PPP1R12B: variants seen among roughly 807,000 people sequenced by gnomAD.
PPP1R12B encodes the protein myosin phosphatase target subunit 2.
A neutral mutation model predicts 126.1 loss-of-function variants in PPP1R12B; 76 were observed. The ratio of observed to expected loss-of-function variants is 0.60; its 90% CI spans 0.50 to 0.73. The LOEUF is 0.73. PPP1R12B is among the 30% of genes least tolerant of loss of function. The pLI, the probability that PPP1R12B is intolerant of heterozygous loss-of-function variation, is 0.00. For missense variants in PPP1R12B, 1,052 were observed against 1,205.1 expected (o/e 0.87, Z 1.88); for synonymous variants, 356 against 434.7 (o/e 0.82, Z 2.25).
At chr1:202,411,088 G>A (rs1232032262) in intron 1 of PPP1R12B, among the ~76,000 whole-genome samples, 1 of 152,092 alleles carries the variant, frequency 6.6e-6, no homozygotes, top group East Asian at 1.9e-4. Flanking sequence ...ATAAGTGGGC[G>A]AATCTGCTCA....
intron 1 of PPP1R12B, among the ~76,000 whole-genome samples, chr1:202,363,048 G>T (rs12133256): frequency 0.071 from 10,764 of 152,174 alleles, 483 homozygotes; most frequent in Middle Eastern, 0.14. Flanking sequence ...TGATCAGGCT[G>T]GTCTGGAACT....
intron 18 of PPP1R12B, among the ~76,000 whole-genome samples, chr1:202,536,127 C>G (rs1322278511): frequency 1.3e-5 from 2 of 152,206 alleles, no homozygotes; most frequent in African/African-American, 4.8e-5. Context: ...TTCAGAACTT[C>G]ACTTTCTTCA....
At chr1:202,482,734 C>T (rs951629721) in intron 13 of PPP1R12B, among the ~76,000 whole-genome samples, 6 of 152,150 alleles carry the variant, frequency 3.9e-5, no homozygotes, top group Non-Finnish European at 8.8e-5. Flanking sequence ...TATGCAAAAG[C>T]TTTTTAGTTT....
At chr1:202,455,203 TATAG>T (rs1378317574) in intron 13 of PPP1R12B, among the ~76,000 whole-genome samples, 274 of 123,010 alleles carry the variant, frequency 2.2e-3, no homozygotes, top group African/African-American at 4.2e-3. Context: ...CATATATATA[TATAG>T]AGAGAGAGAG....
chr1:202,549,234 A>G (rs1456419523), intron 18 of PPP1R12B, among the ~76,000 whole-genome samples: 8 of 152,082 alleles, frequency 5.3e-5, no homozygotes, highest in Non-Finnish European at 1.2e-4. Flanking sequence ...GTCACACATA[A>G]TAGTGTCATT....
rs186364859 is a variant in PPP1R12B at position 202,512,943 on chromosome 1, A to G, written c.2490+16121A>G. On this transcript the variant is annotated intron_variant, in intron 18 of 23. Coordinates refer to ENST00000608999, the MANE Select transcript of PPP1R12B (RefSeq NM_002481.4). ...TTTAATATGGAGTGGTAATCATACTATGTTGTATTTGCCAACTGACTGAAC... is the reference window on the plus strand; with the variant it reads ...TTTAATATGGAGTGGTAATCATACTGTGTTGTATTTGCCAACTGACTGAAC... Among the ~76,000 whole-genome samples the G allele has an allele frequency of 3.9e-5, 6 of 152,208 alleles. No homozygotes were observed. In the East Asian group the frequency reaches 7.7e-4, roughly 20 times the overall value.
intron 4 of PPP1R12B, among the ~76,000 whole-genome samples, chr1:202,426,154 T>TA (rs1264672626): frequency 6.6e-6 from 1 of 152,204 alleles, no homozygotes; most frequent in African/African-American, 2.4e-5. Flanking sequence ...TAGCCAAACT[T>TA]ATATGAGGGA....
rs1052648785 is a variant in PPP1R12B, at chr1:202,586,284, G to A, written c.*5724G>A. On this transcript the variant is annotated 3_prime_UTR_variant, in exon 24 of 24. Coordinates refer to ENST00000608999, the MANE Select transcript of PPP1R12B (RefSeq NM_002481.4). ...TTGGAGTGAAAGGGCAGAGACCCTG[G>A]AAGTGGAGGTGGCTGTGTGCTGCGA... The A allele has an allele frequency of 6.6e-6, 1 of 152,594 alleles. No homozygotes were observed. Among genetic ancestry groups the A allele is most frequent in the Non-Finnish European group, 1.5e-5 (1 of 68,312 alleles). The allele number at this position is 152,594 out of a possible 1,614,324, so 9.5% of individuals were successfully genotyped here.
chr1:202,412,076 C>T (rs535911286), intron 1 of PPP1R12B, among the ~76,000 whole-genome samples: 8 of 152,314 alleles, frequency 5.3e-5, no homozygotes, highest in East Asian at 1.9e-4. Context: ...GATTGATGAT[C>T]GCCAAATTAC....
Position 202,442,452 on chromosome 1 carries a change from C to T in PPP1R12B, c.1547C>T (p.Ser516Leu), listed in dbSNP as rs764301133. 2.5e-6 allele frequency: 4 copies of T among 1,609,530 alleles called. No individual in the cohort carries two copies. The highest frequency in any genetic ancestry group is 3.4e-6 in the Non-Finnish European group (4 of 1,178,516). ...SDIEEKENRE[S>L]AVNLVRSGSY... ...TTCCTTTCATGCTTCTACAGAGAAT[C>T]AGCTGTTAATCTAGTGAGGAGTGGC... The change falls in exon 12 of 24, where the codon TCA (serine) becomes TTA (leucine). Residue 516 changes from serine (S) to leucine (L), a missense_variant. Transcript: ENST00000608999.
intron 18 of PPP1R12B, among the ~76,000 whole-genome samples, chr1:202,534,055 G>A (rs1167174374): frequency 6.6e-6 from 1 of 152,080 alleles, no homozygotes; most frequent in Non-Finnish European, 1.5e-5. Context: ...TCTATTGTAA[G>A]CAAGAAGCTT....
At chr1:202,376,839 G>T (rs1661251513) in intron 1 of PPP1R12B, among the ~76,000 whole-genome samples, 1 of 152,086 alleles carries the variant, frequency 6.6e-6, no homozygotes, top group African/African-American at 2.4e-5. Flanking sequence ...CTTTTTGAAT[G>T]CTGGGAGGTG....
chr1:202,426,780 ATACTCCCCTT>A (rs1669575647), intron 4 of PPP1R12B, among the ~76,000 whole-genome samples: 1 of 152,150 alleles, frequency 6.6e-6, no homozygotes, highest in Non-Finnish European at 1.5e-5. Flanking sequence ...ACGTTTCCGT[ATACTCCCCTT>A]GTATGGTGTA....
At chr1:202,509,834 ATAGT>A (rs745852006) in intron 18 of PPP1R12B, among the ~76,000 whole-genome samples, 54 of 152,266 alleles carry the variant, frequency 3.5e-4, no homozygotes, top group Non-Finnish European at 5.3e-4. Context: ...GCTTGAAATG[ATAGT>A]TAGGAGGGAT....
Position 202,565,898 on chromosome 1 carries a change from C to G in PPP1R12B, c.2757+1351C>G, listed in dbSNP as rs1001697940. On this transcript the variant is annotated intron_variant, in intron 21 of 23. Coordinates refer to ENST00000608999, the MANE Select transcript of PPP1R12B (RefSeq NM_002481.4). This position sits in a 1 kb window ranked among gnomAD's most constrained non-coding sequence, Gnocchi z 4.3. ...CTCACTCCAACATTATTGAGCCAGG[C>G]AAAAAAAAAAAAAAGTCTCATTCAC... Among the ~76,000 whole-genome samples the G allele has an allele frequency of 8.6e-6, 1 of 116,138 alleles. No individual in the cohort carries two copies. The highest frequency in any genetic ancestry group is 3.2e-5 in the African/African-American group (1 of 30,836). The allele number at this position is 116,138 out of a possible 152,430, so 76.2% of individuals were successfully genotyped here.
Position 202,513,253 on chromosome 1 carries a change from C to T in PPP1R12B, c.2490+16431C>T, listed in dbSNP as rs1442715910. Among the ~76,000 whole-genome samples the T allele has an allele frequency of 2.6e-5, 4 of 152,106 alleles. No individual in the cohort carries two copies. The East Asian group carries it at 5.8e-4, about 22-fold the overall frequency. ...CCTCCCAAAGTGCTGGGATTACAGG[C>T]GTGAGCCACTATGCCCAGCCTGTTT... On this transcript the variant is annotated intron_variant, in intron 18 of 23. Transcript: ENST00000608999.
chr1:202,439,571 AC>A (rs1671339612), intron 10 of PPP1R12B: 3 of 1,426,338 alleles, frequency 2.1e-6, no homozygotes, highest in African/African-American at 2.8e-5. Context: ...GGAACTGACC[AC>A]CCAGGTGGCC....
At position 202,529,289 on chromosome 1, in the gene PPP1R12B, G is replaced by T. The variant is rs1683683082; in HGVS notation, c.2491-29588G>T. On this transcript the variant is annotated intron_variant, in intron 18 of 23. Coordinates refer to ENST00000608999, the MANE Select transcript of PPP1R12B (RefSeq NM_002481.4). ...AAGAGTCTTTCATATACTCTTCCAG[G>T]ATCTATGTTATTATTGAAAAAAAAA... Among the ~76,000 whole-genome samples the T allele has an allele frequency of 2.0e-5, 3 of 149,822 alleles. No homozygotes were observed. In the South Asian group the frequency reaches 6.4e-4, roughly 32 times the overall value.
At chr1:202,450,586 A>G (rs1672809049) in intron 13 of PPP1R12B, among the ~76,000 whole-genome samples, 1 of 152,214 alleles carries the variant, frequency 6.6e-6, no homozygotes, top group African/African-American at 2.4e-5. Flanking sequence ...ATCCAAAGGA[A>G]GGAGCTTTTA....
Sources: allele counts gnomAD v4.1 joint callset (sites outside exome capture counted in the v4.1 genomes callset), GRCh38; gene constraint gnomAD v4.1.1; non-coding constraint Gnocchi (gnomAD v3.1); transcripts MANE v1.5; gene names NCBI Gene and HGNC (gene_info 2026-07-23, HGNC 2026-07-21).